SCAPER: variants seen among roughly 807,000 people sequenced by gnomAD.
SCAPER encodes the protein S phase cyclin A-associated protein in the endoplasmic reticulum.
Under a neutral mutation model 182.2 loss-of-function variants are expected in SCAPER, and 98 were observed. The ratio of observed to expected loss-of-function variants is 0.54; its 90% CI spans 0.46 to 0.64. SCAPER has a LOEUF of 0.64. Among genes scored for constraint, SCAPER ranks in the 30% least tolerant of loss-of-function variants. The pLI is 0.00. For synonymous variants in SCAPER, 605 were observed against 564.6 expected (o/e 1.07, Z -1.01); for missense variants, 1,432 against 1,690.0 (o/e 0.85, Z 2.68).
chr15:76,645,108 C>T (rs1395693392), intron 21 of SCAPER, among the ~76,000 whole-genome samples: 2 of 152,064 alleles, frequency 1.3e-5, no homozygotes, highest in African/African-American at 4.8e-5. Flanking sequence ...ATAGCATATG[C>T]ACTGCATTAC....
chr15:76,488,964 C>T (rs185328692), intron 24 of SCAPER, among the ~76,000 whole-genome samples: 60 of 151,148 alleles, frequency 4.0e-4, no homozygotes, highest in African/African-American at 1.4e-3. Context: ...CTCAGGTGAT[C>T]CACCTGTCTC....
intron 15 of SCAPER, among the ~76,000 whole-genome samples, chr15:76,739,688 G>C (rs1366921417): frequency 6.6e-6 from 1 of 152,080 alleles, no homozygotes; most frequent in Non-Finnish European, 1.5e-5. Flanking sequence ...TCCTATTTTT[G>C]GACTGTGATT....
intron 20 of SCAPER, among the ~76,000 whole-genome samples, chr15:76,701,292 A>C (rs978605546): frequency 2.6e-5 from 4 of 152,204 alleles, no homozygotes; most frequent in Admixed American, 6.5e-5. Flanking sequence ...AGTTTCAAAA[A>C]GAGTTAAATG....
chr15:76,851,902 A>G (rs890575352), intron 4 of SCAPER, among the ~76,000 whole-genome samples: 2 of 151,984 alleles, frequency 1.3e-5, no homozygotes, highest in East Asian at 1.9e-4. Flanking sequence ...AAGTTGGATT[A>G]AAAAAAACAA....
rs2067111805 is a variant in SCAPER, at chr15:76,816,702, G to T, written c.394-12069C>A. Among the ~76,000 whole-genome samples the T allele has an allele frequency of 2.6e-5, 4 of 151,018 alleles. No individual in the cohort carries two copies. In the South Asian group the frequency reaches 8.4e-4, roughly 32 times the overall value. ...GAGTCTCGCTCTGTTGCCCAGGCTG[G>T]AGTGCAGTGGCGCTATCTCGGCTCA... On this transcript the variant is annotated intron_variant, in intron 5 of 31. Coordinates refer to ENST00000563290, the MANE Select transcript of SCAPER (RefSeq NM_020843.4).
intron 20 of SCAPER, among the ~76,000 whole-genome samples, chr15:76,685,759 C>T (rs988528273): frequency 6.6e-6 from 1 of 152,012 alleles, no homozygotes; most frequent in African/African-American, 2.4e-5. Context: ...TCTTGTTCTC[C>T]TGTGTAGGAC....
At chr15:76,720,289 T>C (rs940626582) in intron 17 of SCAPER, among the ~76,000 whole-genome samples, 9 of 152,132 alleles carry the variant, frequency 5.9e-5, no homozygotes, top group Admixed American at 1.3e-4. Context: ...TAGTATTCCA[T>C]GGTGTATATG....
intron 23 of SCAPER, among the ~76,000 whole-genome samples, chr15:76,510,896 C>T (rs576145254): frequency 6.6e-5 from 10 of 150,910 alleles, no homozygotes; most frequent in Admixed American, 4.6e-4. Context: ...TGTGCGCGCG[C>T]GCACGTATGG....
At chr15:76,747,995 CCTTTTTTTTTTT>C (rs2061887284) in intron 15 of SCAPER, among the ~76,000 whole-genome samples, 2 of 144,542 alleles carry the variant, frequency 1.4e-5, no homozygotes, top group Non-Finnish European at 3.1e-5. Flanking sequence ...TTTTTTTTTT[CCTTTTTTTTTTT>C]GAGACGGAGT....
At chr15:76,819,205 T>C (rs944435623) in intron 5 of SCAPER, among the ~76,000 whole-genome samples, 4 of 152,196 alleles carry the variant, frequency 2.6e-5, no homozygotes, top group Admixed American at 6.5e-5. Context: ...CTGCAGACTT[T>C]AATGTCCCTC....
chr15:76,537,882 A>C (rs1047800919), intron 23 of SCAPER, among the ~76,000 whole-genome samples: 3 of 152,184 alleles, frequency 2.0e-5, no homozygotes, highest in African/African-American at 4.8e-5. Flanking sequence ...GAAAAAAAAC[A>C]ACCTCATCAA....
intron 15 of SCAPER, among the ~76,000 whole-genome samples, chr15:76,737,340 A>G (rs530844542): frequency 6.6e-6 from 1 of 152,386 alleles, no homozygotes; most frequent in Admixed American, 6.5e-5. Flanking sequence ...GCTCTTGAGT[A>G]ACCAGTGCAT....
At chr15:76,410,780 CT>C (rs2045228978) in intron 26 of SCAPER, among the ~76,000 whole-genome samples, 2 of 150,574 alleles carry the variant, frequency 1.3e-5, no homozygotes, top group Non-Finnish European at 3.0e-5. Context: ...GTGTTCTATT[CT>C]TGCTTTTTTT....
chr15:76,484,234 G>A (rs1306736850), intron 24 of SCAPER, among the ~76,000 whole-genome samples: 1 of 152,116 alleles, frequency 6.6e-6, no homozygotes, highest in Non-Finnish European at 1.5e-5. Context: ...AATGAAGTCA[G>A]TCTAAAAAGG....
chr15:76,533,818 G>C (rs1277721281), intron 23 of SCAPER, among the ~76,000 whole-genome samples: 1 of 152,020 alleles, frequency 6.6e-6, no homozygotes, highest in Non-Finnish European at 1.5e-5. Flanking sequence ...ACACTTTTCT[G>C]ATCTAACTTG....
Position 76,522,049 on chromosome 15 carries a change from T to C in SCAPER, c.2839-17075A>G, listed in dbSNP as rs551270049. 3.3e-5 allele frequency among the ~76,000 whole-genome samples: 5 copies of C among 152,300 alleles called. No homozygotes were observed. In the East Asian group the frequency reaches 9.6e-4, roughly 29 times the overall value. ...GCTTTGTGCCCGCAAGAATTTAGTG[T>C]AAATTACACATAAAAAATCATGTAA... On this transcript the variant is annotated intron_variant, in intron 23 of 31. Transcript: ENST00000563290.
At chr15:76,375,935 A>G (rs545299071) in intron 29 of SCAPER, among the ~76,000 whole-genome samples, 1 of 152,326 alleles carries the variant, frequency 6.6e-6, no homozygotes, top group African/African-American at 2.4e-5. Context: ...CAGTGAGCCG[A>G]GATTGCACCA....
intron 23 of SCAPER, among the ~76,000 whole-genome samples, chr15:76,562,344 A>T (rs566544906): frequency 1.3e-5 from 2 of 152,230 alleles, no homozygotes; most frequent in Admixed American, 1.3e-4. Context: ...AAAGAACCAA[A>T]AGACAATAAA....
At chr15:76,819,804 C>A (rs1023115875) in intron 5 of SCAPER, among the ~76,000 whole-genome samples, 1 of 152,060 alleles carries the variant, frequency 6.6e-6, no homozygotes, top group Admixed American at 6.5e-5. Flanking sequence ...AGTGAACAGG[C>A]AACCTACAAA....
Sources: allele counts gnomAD v4.1 joint callset (sites outside exome capture counted in the v4.1 genomes callset), GRCh38; gene constraint gnomAD v4.1.1; transcripts MANE v1.5; gene names NCBI Gene and HGNC (gene_info 2026-07-23, HGNC 2026-07-21).